ZNF804A: variants seen among roughly 807,000 people sequenced by gnomAD.
ZNF804A encodes the protein zinc finger protein 804A.
Under a neutral mutation model 16.5 loss-of-function variants are expected in ZNF804A, and 2 were observed. The ratio of observed to expected loss-of-function variants is 0.12; its 90% CI spans 0.05 to 0.38. The LOEUF (loss-of-function observed/expected upper bound fraction) is 0.38. Ranked by LOEUF, ZNF804A falls within the 10% of genes least tolerant of loss-of-function variation. The pLI is 0.99. For missense variants in ZNF804A, 1,473 were observed against 1,390.7 expected (o/e 1.06, Z -0.94); for synonymous variants, 534 against 489.6 (o/e 1.09, Z -1.20).
chr2:184,820,015 T>C (rs977831796), intron 1 of ZNF804A, among the ~76,000 whole-genome samples: 4 of 151,896 alleles, frequency 2.6e-5, no homozygotes, highest in African/African-American at 7.2e-5. Flanking sequence ...ATCATTTCTA[T>C]TGAAACTATT....
chr2:184,747,666 T>C lies in ZNF804A; in HGVS notation c.112-118703T>C, dbSNP rs185637487. ...CCACTGGGGATTCTGTTTTAAAATA[T>C]TTTCAATTTTAATTTTTTTTTTAAT... On this transcript the variant is annotated intron_variant, in intron 1 of 3. Coordinates refer to ENST00000302277, the MANE Select transcript of ZNF804A (RefSeq NM_194250.2). Among the ~76,000 whole-genome samples the C allele has an allele frequency of 8.6e-5, 13 of 151,326 alleles. No homozygotes were observed. The East Asian group carries it at 2.5e-3, about 29-fold the overall frequency.
chr2:184,892,627 G>T (rs1462031316), intron 2 of ZNF804A, among the ~76,000 whole-genome samples: 1 of 151,796 alleles, frequency 6.6e-6, no homozygotes, highest in Non-Finnish European at 1.5e-5. Context: ...GGGATTACAG[G>T]CACGCGCCAC....
chr2:184,715,779 T>C (rs539153896), intron 1 of ZNF804A, among the ~76,000 whole-genome samples: 2 of 152,270 alleles, frequency 1.3e-5, no homozygotes, highest in African/African-American at 4.8e-5. Context: ...TTTATGAGTA[T>C]TTTGGTAAAT....
chr2:184,894,636 C>T (rs1003139150), intron 2 of ZNF804A, among the ~76,000 whole-genome samples: 3 of 151,878 alleles, frequency 2.0e-5, no homozygotes, highest in African/African-American at 4.8e-5. Flanking sequence ...ATATATTACA[C>T]GTTAAGCGAA....
chr2:184,899,330 A>G (rs1685139730), intron 2 of ZNF804A, among the ~76,000 whole-genome samples: 1 of 152,098 alleles, frequency 6.6e-6, no homozygotes, highest in Non-Finnish European at 1.5e-5. Flanking sequence ...TGAGAGGCAT[A>G]GAAGTGCATT....
intron 2 of ZNF804A, among the ~76,000 whole-genome samples, chr2:184,905,469 A>G (rs1322809890): frequency 6.6e-6 from 1 of 152,076 alleles, no homozygotes; most frequent in Non-Finnish European, 1.5e-5. Context: ...GTCTGAGTTT[A>G]GAATTCTGGA....
At chr2:184,899,372 AT>A (rs1255594688) in intron 2 of ZNF804A, among the ~76,000 whole-genome samples, 4 of 152,016 alleles carry the variant, frequency 2.6e-5, no homozygotes, top group African/African-American at 7.2e-5. Flanking sequence ...TAATAGGATA[AT>A]TTTTTAAATG....
At chr2:184,767,057 A>T (rs1239979057) in intron 1 of ZNF804A, among the ~76,000 whole-genome samples, 1 of 152,176 alleles carries the variant, frequency 6.6e-6, no homozygotes. Context: ...CAAGCCAAGG[A>T]GAAAGGTCTT....
At chr2:184,918,737 A>G (rs1685489149) in intron 2 of ZNF804A, among the ~76,000 whole-genome samples, 1 of 152,184 alleles carries the variant, frequency 6.6e-6, no homozygotes, top group African/African-American at 2.4e-5. Context: ...ACAAAGGTTT[A>G]TGTAAAAAGA....
At chr2:184,781,367 A>C (rs1182636327) in intron 1 of ZNF804A, among the ~76,000 whole-genome samples, 8 of 151,722 alleles carry the variant, frequency 5.3e-5, no homozygotes, top group African/African-American at 9.7e-5. Flanking sequence ...TCCCCAGGAG[A>C]GAATAACTGT....
chr2:184,882,864 C>T (rs1331474671), intron 2 of ZNF804A, among the ~76,000 whole-genome samples: 4 of 151,928 alleles, frequency 2.6e-5, no homozygotes, highest in Admixed American at 2.6e-4. Flanking sequence ...CCTAATGTCA[C>T]AACTAAAGGA....
At chr2:184,757,593 G>A (rs998472637) in intron 1 of ZNF804A, among the ~76,000 whole-genome samples, 7 of 151,776 alleles carry the variant, frequency 4.6e-5, no homozygotes, top group Non-Finnish European at 7.4e-5. Context: ...AGGTATCTAT[G>A]GAAAATTATA....
chr2:184,696,720 C>T (rs999280273), intron 1 of ZNF804A, among the ~76,000 whole-genome samples: 29 of 152,074 alleles, frequency 1.9e-4, no homozygotes, highest in Non-Finnish European at 4.0e-4. Flanking sequence ...AAAAATACCA[C>T]CCTTAGTTAA....
At chr2:184,687,508 T>A (rs1692655353) in intron 1 of ZNF804A, among the ~76,000 whole-genome samples, 1 of 152,236 alleles carries the variant, frequency 6.6e-6, no homozygotes, top group Non-Finnish European at 1.5e-5. Flanking sequence ...ATGTAAACTG[T>A]GATTTATACT....
chr2:184,931,401 C>T (rs1482232391), intron 2 of ZNF804A, among the ~76,000 whole-genome samples: 1 of 152,212 alleles, frequency 6.6e-6, no homozygotes, highest in Non-Finnish European at 1.5e-5. Context: ...CAGAGGTTCC[C>T]AAACTTTGAT....
intron 2 of ZNF804A, among the ~76,000 whole-genome samples, chr2:184,927,228 C>T (rs1347428241): frequency 1.3e-5 from 2 of 152,264 alleles, no homozygotes; most frequent in Non-Finnish European, 2.9e-5. Flanking sequence ...CCCAGTAGTT[C>T]TGTGGCTCTT....
At chr2:184,919,388 G>A (rs554045572) in intron 2 of ZNF804A, among the ~76,000 whole-genome samples, 1 of 152,280 alleles carries the variant, frequency 6.6e-6, no homozygotes, top group East Asian at 1.9e-4. Context: ...GTCAACCTTG[G>A]TGAGTGGAAG....
chr2:184,841,488 G>A (rs935403725), intron 1 of ZNF804A, among the ~76,000 whole-genome samples: 5 of 152,058 alleles, frequency 3.3e-5, no homozygotes, highest in African/African-American at 1.2e-4. Flanking sequence ...TTATATTCAT[G>A]AATGGGTTTT....
At chr2:184,745,531 A>G (rs1353776870) in intron 1 of ZNF804A, among the ~76,000 whole-genome samples, 3 of 151,690 alleles carry the variant, frequency 2.0e-5, no homozygotes, top group East Asian at 1.9e-4. Context: ...GGGAACATAT[A>G]TAAGCTATTT....
Sources: allele counts gnomAD v4.1 joint callset (sites outside exome capture counted in the v4.1 genomes callset), GRCh38; gene constraint gnomAD v4.1.1; transcripts MANE v1.5; gene names NCBI Gene and HGNC (gene_info 2026-07-23, HGNC 2026-07-21).